The following SYCP2 variants were observed in gnomAD, a reference collection of about 807,000 sequenced individuals.
The protein encoded by SYCP2 is synaptonemal complex lateral element protein.
Under a neutral mutation model 211.3 loss-of-function variants are expected in SYCP2, and 55 were observed. The ratio of observed to expected loss-of-function variants is 0.26; its 90% confidence interval spans 0.21 to 0.33. SYCP2 has a LOEUF of 0.33. Ranked by LOEUF, SYCP2 falls within the 10% of genes least tolerant of loss-of-function variation. The pLI, the probability that SYCP2 is intolerant of heterozygous loss-of-function variation, is 1.00. For synonymous variants in SYCP2, 570 were observed against 555.2 expected, an observed-to-expected ratio of 1.03 and a Z score of -0.37; for missense variants, 1,731 against 1,752.0, an observed-to-expected ratio of 0.99 and a Z score of 0.21.
chr20:59,882,492 G>T (rs928332528), intron 26 of SYCP2, among the ~76,000 whole-genome samples: 3 of 152,096 alleles, frequency 2.0e-5, no homozygotes, highest in Non-Finnish European at 4.4e-5. Flanking sequence ...AGAGGTATCT[G>T]CACACCCATG....
intron 2 of SYCP2, among the ~76,000 whole-genome samples, chr20:59,928,509 C>T (rs181955262): frequency 7.0e-4 from 107 of 152,168 alleles, no homozygotes; most frequent in African/African-American, 2.5e-3. Context: ...TAATGCTGCT[C>T]TAATACTAAA....
chr20:59,881,207 A>C (rs945364051), intron 29 of SYCP2, among the ~76,000 whole-genome samples, 184 bp from the exon 30 acceptor site: 2 of 151,828 alleles, frequency 1.3e-5, no homozygotes, highest in Non-Finnish European at 3.0e-5. Context: ...GGATTAAAGA[A>C]CTACTAAGTC....
chr20:59,867,819 T>G lies in SYCP2; in HGVS notation c.4017A>C (p.Thr1339=), dbSNP rs758899664. The G allele has an allele frequency of 4.3e-5, 69 of 1,608,742 alleles. No individual in the cohort carries two copies. Among genetic ancestry groups the G allele is most frequent in the Non-Finnish European group, 5.4e-5 (64 of 1,176,574 alleles). Residue 1339 remains threonine (T), a synonymous_variant, in exon 39 of 45, where the codon ACA becomes ACC. Coordinates refer to ENST00000357552, the MANE Select transcript of SYCP2 (RefSeq NM_014258.4). ...TCTCCCAAGGAATAGAAAAGTCATT[T>G]GTTGATAATGAAGATACACTTTCAG... The part of the protein sequence containing the change: ...KMSESVSSLS[T]NDFSIPWETW...
chr20:59,896,997 G>T (rs1400024570), intron 18 of SYCP2, among the ~76,000 whole-genome samples: 3 of 152,098 alleles, frequency 2.0e-5, no homozygotes, highest in African/African-American at 7.2e-5. Context: ...GACTAAACTG[G>T]AGTGAAGTAG....
At position 59,900,194 on chromosome 20, in the gene SYCP2, G is replaced by A. The variant is rs1232435244; in HGVS notation, c.1348C>T (p.Pro450Ser). The A allele has an allele frequency of 8.7e-6, 14 of 1,613,026 alleles. No individual in the cohort carries two copies. The highest frequency in any genetic ancestry group is 1.2e-5 in the Non-Finnish European group (14 of 1,179,468). Residue 450 changes from proline to serine, a missense_variant, in exon 18 of 45, where the codon CCT (proline) becomes TCT (serine). Pro to Ser is a moderately conservative substitution (Grantham distance 74, BLOSUM62 -1). This residue lies in a region of SYCP2 where 1,387 missense variants were observed against 1,351.3 expected (regional missense o/e 1.03). Coordinates refer to ENST00000357552, the MANE Select transcript of SYCP2 (RefSeq NM_014258.4). ...TCACTGTTTTTGATATATTTTGAAG[G>A]TTTAGCAAATTCCTTTGGGGACTTT... ...KSKSPKEFAK[P>S]SKYIKNSDKG... is the part of the protein sequence containing the mutation.
chr20:59,901,854 A>G (rs772032923), intron 15 of SYCP2, 44 bp from the exon 16 acceptor site: 2 of 1,419,236 alleles, frequency 1.4e-6, no homozygotes, highest in Non-Finnish European at 1.9e-6. Context: ...CTATGATACT[A>G]CTCTGCAAGT....
chr20:59,897,736 G>A (rs1427052238), intron 18 of SYCP2, among the ~76,000 whole-genome samples: 1 of 152,058 alleles, frequency 6.6e-6, no homozygotes, highest in African/African-American at 2.4e-5. Context: ...TTATAGTTAC[G>A]TAAAGGTGAG....
rs553997057 is a variant in SYCP2, at chr20:59,891,553, T to C, written c.2364+437A>G. Among the ~76,000 whole-genome samples the C allele has an allele frequency of 5.3e-5, 8 of 151,988 alleles. 1 individual carries two copies. The East Asian group carries it at 1.5e-3, about 29-fold the overall frequency. ...GTTAAATGCATTCATCCAAAAAATG[T>C]TTGAGATGCTACTGTGTATAAAGGC... is the stretch of plus-strand genomic sequence containing the variant. On this transcript the variant is annotated intron_variant, in intron 24 of 44. Coordinates refer to ENST00000357552, the MANE Select transcript of SYCP2 (RefSeq NM_014258.4).
intron 5 of SYCP2, among the ~76,000 whole-genome samples, chr20:59,919,818 C>T (rs2060507912): frequency 6.6e-6 from 1 of 151,246 alleles, no homozygotes. Context: ...AATTTTGATT[C>T]CATGTAGAAG....
rs1335589928 is a variant in SYCP2 at position 59,893,549 on chromosome 20, A to T, written c.1710T>A (p.Asn570Lys). Residue 570 changes from asparagine (N) to lysine (K), a missense_variant, in exon 21 of 45, where the codon AAT (asparagine) becomes AAA (lysine). Physicochemically the swap from Asn to Lys is moderately conservative, Grantham distance 94. This residue lies in a region of SYCP2 where 1,387 missense variants were observed against 1,351.3 expected (regional missense o/e 1.03). Coordinates refer to ENST00000357552, the MANE Select transcript of SYCP2 (RefSeq NM_014258.4). ...AKCVENTENK[N>K]VEFPNQNFSE... is the part of the protein sequence containing the mutation. ...TAAAATTTTGGTTTGGGAATTCAAC[A>T]TTCTTATTTTCTGTGTTTTCTACAC... The T allele has an allele frequency of 6.2e-7, 1 of 1,608,726 alleles. No homozygotes were observed. The highest frequency in any genetic ancestry group is 2.2e-5 in the East Asian group (1 of 44,696).
In SYCP2 at chr20:59,892,121, A is replaced by G. The variant is rs765921662; in HGVS notation, c.2233T>C (p.Leu745=). The change falls in exon 24 of 45, where the codon TTG becomes CTG. Residue 745 remains leucine (L), a synonymous_variant. Transcript: ENST00000357552. ...ESLIYRKKYI[L]SKDVNTATCD... ...GTAGCAGTATTCACATCTTTTGACA[A>G]TATGTATTTCTTCCTATATATCAGC... 22 of 1,612,126 alleles carry G rather than the reference A, an allele frequency of 1.4e-5. No individual in the cohort carries two copies. The Admixed American group carries it at 3.0e-4, about 22-fold the overall frequency.
At chr20:59,902,367 G>A (rs2060130732) in intron 15 of SYCP2, among the ~76,000 whole-genome samples, 1 of 152,048 alleles carries the variant, frequency 6.6e-6, no homozygotes, top group Non-Finnish European at 1.5e-5. Flanking sequence ...CAGCTTATAA[G>A]AAATAGTCAC....
chr20:59,917,579 T>C (rs912490512), intron 7 of SYCP2, among the ~76,000 whole-genome samples: 2 of 152,180 alleles, frequency 1.3e-5, no homozygotes, highest in African/African-American at 2.4e-5. Flanking sequence ...GACTACATTG[T>C]TATGTAGCAA....
chr20:59,897,488 C>T (rs556268758), intron 18 of SYCP2, among the ~76,000 whole-genome samples: 10 of 151,984 alleles, frequency 6.6e-5, no homozygotes, highest in East Asian at 1.9e-4. Context: ...TGGTGTTTTT[C>T]GAACTTTGGT....
intron 2 of SYCP2, among the ~76,000 whole-genome samples, chr20:59,930,228 C>T (rs2060711336): frequency 6.6e-6 from 1 of 152,078 alleles, no homozygotes; most frequent in South Asian, 2.1e-4. Flanking sequence ...TTACACTATT[C>T]TGCTTACTTT....
intron 2 of SYCP2, among the ~76,000 whole-genome samples, chr20:59,928,496 G>A (rs1004842000): frequency 3.9e-5 from 6 of 152,082 alleles, no homozygotes; most frequent in Non-Finnish European, 5.9e-5. Flanking sequence ...ATGTATGGAG[G>A]AATAATGCTG....
At position 59,886,411 on chromosome 20, in the gene SYCP2, T is replaced by C. The variant is rs6064858; in HGVS notation, c.2492+296A>G. Among the ~76,000 whole-genome samples, 7,032 of 152,124 alleles carry C rather than the reference T, an allele frequency of 0.046. 257 individuals are homozygous for C. The highest frequency in any genetic ancestry group is 0.098 in the African/African-American group (4,081 of 41,522). ...TGTATTTAAATATATTTATTCATTA[T>C]TAGATTCAGTAAGTACAATGTCTAC... On this transcript the variant is annotated intron_variant, in intron 25 of 44. Transcript: ENST00000357552.
intron 7 of SYCP2, among the ~76,000 whole-genome samples, chr20:59,917,541 A>AT (rs967812047): frequency 2.0e-5 from 3 of 152,144 alleles, no homozygotes; most frequent in Admixed American, 6.5e-5. Context: ...GTGCTTTAGG[A>AT]TTTTTTCCCT....
Position 59,892,320 on chromosome 20 carries a change from G to T in SYCP2, c.2034C>A (p.Asp678Glu), listed in dbSNP as rs565272309. The T allele has an allele frequency of 1.9e-6, 3 of 1,610,388 alleles. No homozygotes were observed. Among genetic ancestry groups the T allele is most frequent in the South Asian group, 1.1e-5 (1 of 90,952 alleles). The part of the protein sequence containing the change: ...GKVKYKKEQT[D>E]HIKIDKAEVE... ...CTTCTGCTTTATCTATTTTGATATG[G>T]TCGGTTTGTTCTTTCTTATATTTCA... is the stretch of plus-strand genomic sequence containing the variant. The change falls in exon 24 of 45, where the codon GAC becomes GAA. Residue 678 changes from aspartate (D) to glutamate (E), a missense_variant. By Grantham distance (45) the Asp-to-Glu change is conservative. Transcript: ENST00000357552.
Sources: gnomAD v4.1 joint callset for allele counts (sites outside exome capture counted in the v4.1 genomes callset) on GRCh38, gnomAD v4.1.1 for gene constraint, gnomAD v4.1.1 regional missense constraint, MANE v1.5 for transcripts, NCBI Gene and HGNC (gene_info 2026-07-23, HGNC 2026-07-21) for gene names.